ANO10: variants seen among roughly 807,000 people sequenced by gnomAD.
ANO10 encodes the protein anoctamin-10.
In ANO10, 77 loss-of-function variants were observed where a neutral mutation model predicts 74.7. That is an observed-to-expected ratio of 1.03 (90% CI 0.86 to 1.25). ANO10 has a LOEUF of 1.25. Ranked by LOEUF, ANO10 falls within the 50% of genes most tolerant of loss-of-function variation. ANO10 has a pLI of 0.00. For missense variants in ANO10, 721 were observed against 778.1 expected (o/e 0.93, Z 0.87); for synonymous variants, 279 against 284.9 (o/e 0.98, Z 0.21).
intron 11 of ANO10, among the ~76,000 whole-genome samples, chr3:43,513,457 C>T (rs2077587152): frequency 6.6e-6 from 1 of 152,140 alleles, no homozygotes; most frequent in Non-Finnish European, 1.5e-5. Flanking sequence ...TGTTGCCAAT[C>T]ATCAAAAAAG....
At chr3:43,526,362 A>C (rs2078196319) in intron 11 of ANO10, among the ~76,000 whole-genome samples, 2 of 152,206 alleles carry the variant, frequency 1.3e-5, no homozygotes, top group Non-Finnish European at 2.9e-5. Context: ...CACTAGAAAC[A>C]GGGCCTCTGT....
At chr3:43,546,576 CA>C (rs1375211227) in intron 11 of ANO10, among the ~76,000 whole-genome samples, 7 of 150,604 alleles carry the variant, frequency 4.6e-5, no homozygotes, top group African/African-American at 1.7e-4. Context: ...CATCCACATG[CA>C]AAAGAAATAC....
At chr3:43,574,374 G>A (rs899821762) in intron 7 of ANO10, among the ~76,000 whole-genome samples, 6 of 151,316 alleles carry the variant, frequency 4.0e-5, no homozygotes, top group East Asian at 3.9e-4. Flanking sequence ...GAGTTCAAGC[G>A]ATTCTCCTGC....
At chr3:43,383,131 T>C (rs989493975) in intron 12 of ANO10, among the ~76,000 whole-genome samples, 1 of 152,060 alleles carries the variant, frequency 6.6e-6, no homozygotes, top group Non-Finnish European at 1.5e-5. Flanking sequence ...AACAAAATAG[T>C]AGCTAACGGA....
At chr3:43,473,954 G>A (rs1308206313) in intron 11 of ANO10, among the ~76,000 whole-genome samples, 4 of 152,204 alleles carry the variant, frequency 2.6e-5, no homozygotes, top group Non-Finnish European at 4.4e-5. Context: ...CTGGGCTGAG[G>A]AGGGTTCAGA....
At chr3:43,599,688 G>A (rs749694325) in intron 3 of ANO10, among the ~76,000 whole-genome samples, 2 of 152,046 alleles carry the variant, frequency 1.3e-5, no homozygotes, top group African/African-American at 4.8e-5. Flanking sequence ...GGCAGAACAC[G>A]AGGTCAGGAG....
rs551478330 is a variant in ANO10, at chr3:43,583,495, A to G, written c.473-3023T>C. 2.0e-5 allele frequency among the ~76,000 whole-genome samples: 3 copies of G among 152,382 alleles called. No homozygotes were observed. The East Asian group carries it at 5.8e-4, about 29-fold the overall frequency. ...AGAGACTATCAGTAATGTAGTTTAC[A>G]GTAGGACCCTCCAAATTAACTAATG... On this transcript the variant is annotated intron_variant, in intron 4 of 12. Coordinates refer to ENST00000292246, the MANE Select transcript of ANO10 (RefSeq NM_018075.5).
At chr3:43,674,161 A>T (rs1478951191) in intron 1 of ANO10, among the ~76,000 whole-genome samples, 1 of 152,174 alleles carries the variant, frequency 6.6e-6, no homozygotes, top group African/African-American at 2.4e-5. Flanking sequence ...ATTTTTAATC[A>T]TGGAATTTCC....
intron 11 of ANO10, among the ~76,000 whole-genome samples, chr3:43,456,141 G>C (rs2075114906): frequency 6.6e-6 from 1 of 152,062 alleles, no homozygotes; most frequent in African/African-American, 2.4e-5. Flanking sequence ...AGGTGAGCAG[G>C]TACGGCGGTC....
intron 11 of ANO10, among the ~76,000 whole-genome samples, chr3:43,471,830 C>A (rs1215681718): frequency 1.3e-5 from 2 of 152,088 alleles, no homozygotes; most frequent in African/African-American, 2.4e-5. Flanking sequence ...ACAATCAAAT[C>A]CACACTGTGG....
chr3:43,410,408 C>T (rs1055513197), intron 12 of ANO10, among the ~76,000 whole-genome samples: 2 of 152,094 alleles, frequency 1.3e-5, no homozygotes, highest in East Asian at 1.9e-4. Context: ...TACGCCCTAC[C>T]ACACCTGGCT....
intron 11 of ANO10, among the ~76,000 whole-genome samples, chr3:43,528,364 T>A (rs2078303597): frequency 6.6e-6 from 1 of 151,372 alleles, no homozygotes; most frequent in African/African-American, 2.4e-5. Context: ...AACTCAATAA[T>A]CAAACCTGAA....
intron 12 of ANO10, among the ~76,000 whole-genome samples, chr3:43,415,331 A>G (rs1163909715): frequency 2.0e-5 from 3 of 151,910 alleles, no homozygotes; most frequent in Non-Finnish European, 4.4e-5. Flanking sequence ...AACTTGCCCA[A>G]GGTTACTTAG....
At position 43,425,578 on chromosome 3, in the gene ANO10, G is replaced by A. The variant is rs574961822; in HGVS notation, c.1914+7033C>T. ...TCAGCCATGACAGGGAGGTTGGCAG[G>A]CCTCATTATACATTCTCCCTTTTGG... On this transcript the variant is annotated intron_variant, in intron 12 of 12. Coordinates refer to ENST00000292246, the MANE Select transcript of ANO10 (RefSeq NM_018075.5). 2.0e-4 allele frequency among the ~76,000 whole-genome samples: 30 copies of A among 152,078 alleles called. No homozygotes were observed. The South Asian group carries it at 6.0e-3, about 31-fold the overall frequency.
chr3:43,376,151 G>T (rs959043816), intron 12 of ANO10, among the ~76,000 whole-genome samples: 8 of 152,166 alleles, frequency 5.3e-5, no homozygotes, highest in African/African-American at 1.9e-4. Flanking sequence ...ATCCGCAAGG[G>T]ACTGCAGTTT....
chr3:43,488,712 A>G (rs1168909372), intron 11 of ANO10, among the ~76,000 whole-genome samples: 29 of 151,830 alleles, frequency 1.9e-4, no homozygotes, highest in African/African-American at 7.0e-4. Context: ...ACACTTTTAC[A>G]CTGTTGGTGG....
Position 43,575,611 on chromosome 3 carries a change from T to C in ANO10, c.1163-747A>G, listed in dbSNP as rs183135525. On this transcript the variant is annotated intron_variant, in intron 6 of 12. Transcript: ENST00000292246. The stretch of plus-strand genomic sequence containing the variant: ...ACTTGATAAATGACAGCTGATATTG[T>C]CATACAACTAATAAAAATAATTTAA... Among the ~76,000 whole-genome samples, 13 of 152,288 alleles carry C rather than the reference T, an allele frequency of 8.5e-5. No individual in the cohort carries two copies. In the East Asian group the frequency reaches 2.5e-3, roughly 29 times the overall value.
intron 11 of ANO10, among the ~76,000 whole-genome samples, chr3:43,491,271 T>A (rs2076710584): frequency 6.6e-6 from 1 of 152,078 alleles, no homozygotes; most frequent in Non-Finnish European, 1.5e-5. Flanking sequence ...CCCAGCACTT[T>A]GGGAGGCTGA....
chr3:43,457,876 G>A (rs910867943), intron 11 of ANO10, among the ~76,000 whole-genome samples: 1 of 152,170 alleles, frequency 6.6e-6, no homozygotes, highest in African/African-American at 2.4e-5. Flanking sequence ...CTGCAGTGGT[G>A]TACCTGGGGC....
Sources: gnomAD v4.1 joint callset for allele counts (sites outside exome capture counted in the v4.1 genomes callset) on GRCh38, gnomAD v4.1.1 for gene constraint, MANE v1.5 for transcripts, NCBI Gene and HGNC (gene_info 2026-07-23, HGNC 2026-07-21) for gene names.